The following PCDH9 variants were observed in gnomAD, a reference collection of about 807,000 sequenced individuals.
The protein encoded by PCDH9 is protocadherin 9.
PCDH9 carries 24 observed loss-of-function variants against 70.6 expected under a neutral mutation model. The ratio of observed to expected loss-of-function variants is 0.34; its 90% CI spans 0.25 to 0.48. The LOEUF (loss-of-function observed/expected upper bound fraction) is 0.48, where lower values mean the gene tolerates loss of function less well. Among genes scored for constraint, PCDH9 ranks in the 20% least tolerant of loss-of-function variants. The probability of loss-of-function intolerance (pLI) is 0.99; values close to 1 mark genes in which losing one functional copy is unlikely to be tolerated. For synonymous variants in PCDH9, 562 were observed against 558.5 expected (o/e 1.01, Z -0.09); for missense variants, 1,281 against 1,503.6 (o/e 0.85, Z 2.45).
At chr13:67,062,734 T>C (rs1026759681) in intron 2 of PCDH9, among the ~76,000 whole-genome samples, 3 of 152,180 alleles carry the variant, frequency 2.0e-5, no homozygotes, top group Admixed American at 2.0e-4. Context: ...TCAGAAGATT[T>C]GGGAATGAAT....
intron 3 of PCDH9, among the ~76,000 whole-genome samples, chr13:66,846,364 G>A (rs1290270530): frequency 2.0e-5 from 3 of 152,132 alleles, no homozygotes; most frequent in African/African-American, 7.2e-5. Flanking sequence ...TTAATAAGCA[G>A]ATTTCAATCT....
At chr13:66,442,519 T>A (rs1284725427) in intron 4 of PCDH9, among the ~76,000 whole-genome samples, 11 of 152,046 alleles carry the variant, frequency 7.2e-5, no homozygotes, top group African/African-American at 2.7e-4. Context: ...ATGGAATAAA[T>A]CTATGATGAT....
intron 2 of PCDH9, among the ~76,000 whole-genome samples, chr13:66,986,272 C>T (rs899642074): frequency 1.3e-5 from 2 of 151,742 alleles, no homozygotes; most frequent in African/African-American, 2.4e-5. Flanking sequence ...ATTCAATTAC[C>T]TCCCACCATG....
chr13:66,760,755 C>A (rs1013457539), intron 3 of PCDH9, among the ~76,000 whole-genome samples: 1 of 152,088 alleles, frequency 6.6e-6, no homozygotes, highest in Non-Finnish European at 1.5e-5. Flanking sequence ...GGAGAAATAT[C>A]ACTGAATTAT....
chr13:66,905,540 G>T (rs1333184898), intron 2 of PCDH9, among the ~76,000 whole-genome samples: 3 of 152,012 alleles, frequency 2.0e-5, no homozygotes, highest in Non-Finnish European at 4.4e-5. Context: ...TTGGGTTAAG[G>T]TTAAAACTTC....
At chr13:66,490,350 TG>T (rs1425115802) in intron 4 of PCDH9, among the ~76,000 whole-genome samples, 1 of 152,196 alleles carries the variant, frequency 6.6e-6, no homozygotes, top group Non-Finnish European at 1.5e-5. Flanking sequence ...TCCTAAGACC[TG>T]AACACTGTTA....
At chr13:66,392,903 T>C (rs1957043617) in intron 4 of PCDH9, among the ~76,000 whole-genome samples, 1 of 150,812 alleles carries the variant, frequency 6.6e-6, no homozygotes, top group Non-Finnish European at 1.5e-5. Context: ...TTTTTTTTTT[T>C]CTGAAGGTAA....
At chr13:66,673,587 G>C (rs9571615) in intron 3 of PCDH9, among the ~76,000 whole-genome samples, 45,787 of 151,960 alleles carry the variant, frequency 0.3, 8,077 homozygotes, top group East Asian at 0.56. Flanking sequence ...CATAGGCAGG[G>C]AACAGATTCT....
intron 2 of PCDH9, among the ~76,000 whole-genome samples, chr13:66,983,969 A>G (rs948841546): frequency 6.6e-6 from 1 of 152,214 alleles, no homozygotes; most frequent in South Asian, 2.1e-4. Context: ...ACTCTTTGTA[A>G]AAGTTCTCAT....
At chr13:66,411,672 T>C (rs762755313) in intron 4 of PCDH9, among the ~76,000 whole-genome samples, 1 of 150,774 alleles carries the variant, frequency 6.6e-6, no homozygotes, top group African/African-American at 2.5e-5. Context: ...GATAGATAGA[T>C]AGACAGATGG....
At chr13:66,818,817 C>T (rs2080655973) in intron 3 of PCDH9, among the ~76,000 whole-genome samples, 1 of 151,884 alleles carries the variant, frequency 6.6e-6, no homozygotes, top group East Asian at 1.9e-4. Flanking sequence ...GCCTATAGTC[C>T]CAGCTACACG....
intron 2 of PCDH9, among the ~76,000 whole-genome samples, chr13:67,163,977 CT>C (rs1191176817): frequency 2.6e-5 from 4 of 152,056 alleles, no homozygotes; most frequent in African/African-American, 9.7e-5. Flanking sequence ...ATGAGTTTCC[CT>C]TTATTTTATT....
At chr13:66,425,456 T>C (rs915182785) in intron 4 of PCDH9, among the ~76,000 whole-genome samples, 1 of 151,634 alleles carries the variant, frequency 6.6e-6, no homozygotes, top group Non-Finnish European at 1.5e-5. Flanking sequence ...ACTGTAGGTA[T>C]ATCTTTAAGT....
chr13:66,742,567 T>C (rs1200254928), intron 3 of PCDH9, among the ~76,000 whole-genome samples: 1 of 143,800 alleles, frequency 7.0e-6, no homozygotes, highest in African/African-American at 2.6e-5. Context: ...ACCTACAACA[T>C]GGGAGAAAAT....
intron 2 of PCDH9, chr13:67,205,834 G>A (rs2089326745): frequency 6.6e-6 from 1 of 152,082 alleles, no homozygotes; most frequent in South Asian, 2.1e-4. Context: ...AATAATCCAT[G>A]ATAAACAAAT....
intron 2 of PCDH9, among the ~76,000 whole-genome samples, chr13:67,014,923 C>A (rs2084528618): frequency 6.6e-6 from 1 of 152,024 alleles, no homozygotes; most frequent in South Asian, 2.1e-4. Context: ...ATTGTCTACC[C>A]TTTTTTTCTT....
chr13:66,384,542 G>C lies in PCDH9; in HGVS notation c.3341-79514C>G, dbSNP rs184973614. ...CCTTTTGTATATGTGTGGAGTAAGA[G>C]CACCAAAAATCTATTTCTTAGGTAA... On this transcript the variant is annotated intron_variant, in intron 4 of 4. Transcript: ENST00000377865. Among the ~76,000 whole-genome samples, 543 of 152,248 alleles carry C rather than the reference G, an allele frequency of 3.6e-3. 2 individuals are homozygous for C. The highest frequency in any genetic ancestry group is 0.013 in the African/African-American group (525 of 41,532).
At chr13:67,095,924 T>C (rs548434128) in intron 2 of PCDH9, among the ~76,000 whole-genome samples, 2 of 152,304 alleles carry the variant, frequency 1.3e-5, no homozygotes, top group African/African-American at 4.8e-5. Context: ...AAGGCCAATC[T>C]GATTTCCCCA....
chr13:66,714,261 C>G (rs2078839020), intron 3 of PCDH9, among the ~76,000 whole-genome samples: 1 of 151,766 alleles, frequency 6.6e-6, no homozygotes, highest in Non-Finnish European at 1.5e-5. Context: ...TTCAGGAGAT[C>G]GAGACCATCC....
Sources: allele counts gnomAD v4.1 joint callset (sites outside exome capture counted in the v4.1 genomes callset), GRCh38; gene constraint gnomAD v4.1.1; transcripts MANE v1.5; gene names NCBI Gene and HGNC (gene_info 2026-07-23, HGNC 2026-07-21).